ADCY2: variants seen among roughly 807,000 people sequenced by gnomAD.
The protein encoded by ADCY2 is adenylate cyclase type 2.
A neutral mutation model predicts 125.2 loss-of-function variants in ADCY2; 31 were observed. That is an observed-to-expected ratio of 0.25 (90% CI 0.19 to 0.33). The LOEUF (loss-of-function observed/expected upper bound fraction) is 0.33, where lower values mean the gene tolerates loss of function less well. Among genes scored for constraint, ADCY2 ranks in the 10% least tolerant of loss-of-function variants. The probability of loss-of-function intolerance (pLI) is 1.00; values close to 1 mark genes in which losing one functional copy is unlikely to be tolerated. For missense variants in ADCY2, 904 were observed against 1,418.2 expected (o/e 0.64, Z 5.82); for synonymous variants, 512 against 548.4 (o/e 0.93, Z 0.93).
chr5:7,532,728 CTG>C (rs1579544394), intron 3 of ADCY2, among the ~76,000 whole-genome samples: 1 of 152,048 alleles, frequency 6.6e-6, no homozygotes, highest in African/African-American at 2.4e-5. Flanking sequence ...GTGGACAAGA[CTG>C]TATGATTTCT....
chr5:7,428,505 T>C (rs1327220149), intron 2 of ADCY2, among the ~76,000 whole-genome samples: 1 of 152,216 alleles, frequency 6.6e-6, no homozygotes, highest in East Asian at 1.9e-4. Context: ...CAAGTTTCCA[T>C]TAATACATAC....
At chr5:7,677,799 T>C (rs1740184150) in intron 4 of ADCY2, among the ~76,000 whole-genome samples, 1 of 152,102 alleles carries the variant, frequency 6.6e-6, no homozygotes, top group Admixed American at 6.5e-5. Context: ...AAACCACTAG[T>C]TTTGGGGTGA....
At position 7,536,637 on chromosome 5, in the gene ADCY2, A is replaced by G. The variant is rs1043164743; in HGVS notation, c.570+15738A>G. Among the ~76,000 whole-genome samples, 8 of 152,318 alleles carry G rather than the reference A, an allele frequency of 5.3e-5. No individual in the cohort carries two copies. In the East Asian group the frequency reaches 1.5e-3, roughly 29 times the overall value. ...CTTTTTGTTGCTTGATCTTCTGTAT[A>G]TCAAAACCCATTCTAGATTTTTGAC... On this transcript the variant is annotated intron_variant, in intron 3 of 24. Transcript: ENST00000338316.
intron 2 of ADCY2, among the ~76,000 whole-genome samples, chr5:7,437,720 A>G (rs925920950): frequency 2.6e-5 from 4 of 152,256 alleles, no homozygotes; most frequent in Admixed American, 1.3e-4. Flanking sequence ...TCAACAGGTG[A>G]GTAATAAAGA....
chr5:7,724,332 G>A (rs1341709957), intron 12 of ADCY2, among the ~76,000 whole-genome samples: 1 of 151,278 alleles, frequency 6.6e-6, no homozygotes, highest in Non-Finnish European at 1.5e-5. Flanking sequence ...GGAGGGCAGT[G>A]TGTGATTAGG....
chr5:7,703,073 T>C, intron 7 of ADCY2, among the ~76,000 whole-genome samples: 1 of 149,116 alleles, frequency 6.7e-6, no homozygotes, highest in Non-Finnish European at 1.5e-5. Flanking sequence ...TTTGATGGGG[T>C]TGTTTGATTT....
chr5:7,520,983 G>A, intron 3 of ADCY2, 84 bp downstream of exon 3: 1 of 1,523,330 alleles, frequency 6.6e-7, no homozygotes, highest in Non-Finnish European at 8.9e-7. Flanking sequence ...CATTCAGGGT[G>A]TGTGTAGTGT....
intron 21 of ADCY2, among the ~76,000 whole-genome samples, chr5:7,804,040 A>AAGAGAGAGAG (rs57193249): frequency 0.015 from 1,611 of 106,522 alleles, 92 homozygotes; most frequent in Non-Finnish European, 0.02. Flanking sequence ...GGAGGGGGGA[A>AAGAGAGAGAG]AGAGAGAGAG....
chr5:7,695,854 A>G lies in ADCY2; in HGVS notation c.972A>G (p.Gln324=). The change falls in exon 6 of 25, where the codon CAA becomes CAG. Residue 324 remains glutamine (Q), a synonymous_variant. Coordinates refer to ENST00000338316, the MANE Select transcript of ADCY2 (RefSeq NM_020546.3). ...ATGAGCTCTTTGGAAAGTTTGATCA[A>G]ATTGCAAAGGTGAGTATTATGGATT... ...MLNELFGKFD[Q]IAKENECMRI... 1 of 1,608,942 alleles carries G rather than the reference A, an allele frequency of 6.2e-7. No individual in the cohort carries two copies. The highest frequency in any genetic ancestry group is 8.5e-7 in the Non-Finnish European group (1 of 1,176,570).
At chr5:7,431,005 A>G (rs1740577629) in intron 2 of ADCY2, among the ~76,000 whole-genome samples, 1 of 152,156 alleles carries the variant, frequency 6.6e-6, no homozygotes, top group Non-Finnish European at 1.5e-5. Context: ...GAGATTCAGT[A>G]CAATCCTAAT....
At chr5:7,650,142 G>A (rs1739036991) in intron 4 of ADCY2, among the ~76,000 whole-genome samples, 1 of 151,532 alleles carries the variant, frequency 6.6e-6, no homozygotes, top group Non-Finnish European at 1.5e-5. Context: ...TCATTAACTG[G>A]CATTACTCTC....
Position 7,767,346 on chromosome 5 carries a change from T to TC in ADCY2, c.2214+541dup, listed in dbSNP as rs1316234001. On this transcript the variant is annotated intron_variant, in intron 17 of 24. Coordinates refer to ENST00000338316, the MANE Select transcript of ADCY2 (RefSeq NM_020546.3). ...TCAAAACTTATTAACACATTAGTCT[T>TC]CTAAGTGGAGAGTTAGGTCAGTTAT... is the stretch of plus-strand genomic sequence containing the variant. Among the ~76,000 whole-genome samples the TC allele has an allele frequency of 9.2e-5, 14 of 152,288 alleles. No individual in the cohort carries two copies. In the East Asian group the frequency reaches 2.5e-3, roughly 27 times the overall value.
chr5:7,723,214 G>A (rs1741820833), intron 12 of ADCY2, among the ~76,000 whole-genome samples: 1 of 152,090 alleles, frequency 6.6e-6, no homozygotes, highest in Non-Finnish European at 1.5e-5. Flanking sequence ...TAATACCTGG[G>A]TGATGAAATA....
At chr5:7,723,676 A>C (rs553024620) in intron 12 of ADCY2, among the ~76,000 whole-genome samples, 1 of 152,212 alleles carries the variant, frequency 6.6e-6, no homozygotes, top group Admixed American at 6.5e-5. Context: ...TTATCCCAGC[A>C]CTTTGGGAGA....
At chr5:7,538,823 G>T (rs975457881) in intron 3 of ADCY2, among the ~76,000 whole-genome samples, 28 of 149,664 alleles carry the variant, frequency 1.9e-4, no homozygotes, top group Non-Finnish European at 3.6e-4. Context: ...CAAATTTTTT[G>T]AATATAAATT....
chr5:7,603,561 T>C lies in ADCY2; in HGVS notation c.571-22606T>C, dbSNP rs75260804. On this transcript the variant is annotated intron_variant, in intron 3 of 24. Coordinates refer to ENST00000338316, the MANE Select transcript of ADCY2 (RefSeq NM_020546.3). ...GAATGTGGTGGTGTAACCACCTCCT[T>C]GGACGGAGAGTGCCCATGCAGCCAT... is the stretch of plus-strand genomic sequence containing the variant. Among the ~76,000 whole-genome samples the C allele has an allele frequency of 3.4e-4, 52 of 152,296 alleles. 2 individuals carry two copies. The East Asian group carries it at 9.9e-3, about 29-fold the overall frequency.
chr5:7,819,142 T>C (rs1745215137), intron 23 of ADCY2, among the ~76,000 whole-genome samples: 1 of 152,124 alleles, frequency 6.6e-6, no homozygotes, highest in Non-Finnish European at 1.5e-5. Context: ...GCTTTTATTC[T>C]GGCCACGCTG....
intron 4 of ADCY2, among the ~76,000 whole-genome samples, chr5:7,638,896 A>G (rs1738597361): frequency 6.6e-6 from 1 of 152,172 alleles, no homozygotes; most frequent in Non-Finnish European, 1.5e-5. Context: ...AGATCACTGA[A>G]TCATGGGGGT....
At position 7,623,287 on chromosome 5, in the gene ADCY2, T is replaced by A. The variant is rs138808979; in HGVS notation, c.571-2880T>A. Among the ~76,000 whole-genome samples the A allele has an allele frequency of 6.8e-3, 1,040 of 152,344 alleles. 11 individuals carry two copies. Among genetic ancestry groups the A allele is most frequent in the African/African-American group, 0.023 (943 of 41,574 alleles). ...TCATGAATAATCACTGAGTTGCTTT[T>A]ATTATTATTTCAGCCACACCTAATA... On this transcript the variant is annotated intron_variant, in intron 3 of 24. Coordinates refer to ENST00000338316, the MANE Select transcript of ADCY2 (RefSeq NM_020546.3).
Sources: allele counts gnomAD v4.1 joint callset (sites outside exome capture counted in the v4.1 genomes callset), GRCh38; gene constraint gnomAD v4.1.1; transcripts MANE v1.5; gene names NCBI Gene and HGNC (gene_info 2026-07-23, HGNC 2026-07-21).